The following SLC2A14 variants were observed in gnomAD, a reference collection of about 807,000 sequenced individuals.
The protein encoded by SLC2A14 is solute carrier family 2 member 14.
Under a neutral mutation model 43.0 loss-of-function variants are expected in SLC2A14, and 13 were observed. That is an observed-to-expected ratio of 0.30 (90% confidence interval 0.20 to 0.48). SLC2A14 has a LOEUF of 0.48. Ranked by LOEUF, SLC2A14 falls within the 20% of genes least tolerant of loss-of-function variation. The pLI is 0.99. For synonymous variants in SLC2A14, 190 were observed against 233.8 expected (o/e 0.81, Z 1.71); for missense variants, 428 against 620.4 (o/e 0.69, Z 3.29).
chr12:7,883,324 G>A (rs1426944779), intron 1 of SLC2A14, among the ~76,000 whole-genome samples: 3 of 146,276 alleles, frequency 2.1e-5, no homozygotes, highest in Non-Finnish European at 3.0e-5. Context: ...GTGGAGTGCA[G>A]GGGCGTGATC....
chr12:7,870,801 G>T, intron 1 of SLC2A14: 1 of 1,058,020 alleles, frequency 9.5e-7, no homozygotes, highest in Non-Finnish European at 1.2e-6. Context: ...AAGTAGTATG[G>T]TCAGCCCAGC....
chr12:7,868,552 T>G (rs1414259653), intron 2 of SLC2A14, among the ~76,000 whole-genome samples: 1 of 152,142 alleles, frequency 6.6e-6, no homozygotes, highest in African/African-American at 2.4e-5. Context: ...TCCTTCTCTA[T>G]CAGGGTAGTC....
At position 7,814,507 on chromosome 12, in the gene SLC2A14, T is replaced by G. The variant is rs748715847; in HGVS notation, c.1303A>C (p.Ile435Leu). The G allele has an allele frequency of 5.0e-6, 8 of 1,613,752 alleles. No homozygotes were observed. In the South Asian group the frequency reaches 8.8e-5, roughly 18 times the overall value. Residue 435 changes from isoleucine (I) to leucine (L), a missense_variant, in exon 11 of 11, where the codon ATC becomes CTC. This residue lies in a region of SLC2A14 where 119 missense variants were observed against 188.7 expected (regional missense o/e 0.63). Coordinates refer to ENST00000431042, the MANE Select transcript of SLC2A14 (RefSeq NM_001286234.2). Reference protein sequence around the residue: ...AYYLGAYVFIIFTGFLITFLA... With the variant: ...AYYLGAYVFILFTGFLITFLA... ...AAGGTAATGAGGAAGCCGGTGAAGA[T>G]AATAAAAACGTAGGCTCCTAAATAG...
At chr12:7,885,337 C>T (rs1218144870) in intron 1 of SLC2A14, among the ~76,000 whole-genome samples, 2 of 151,994 alleles carry the variant, frequency 1.3e-5, no homozygotes, top group East Asian at 1.9e-4. Context: ...TGGTGGCAGG[C>T]GCCAGTAGTC....
rs977925737 is a variant in SLC2A14, at chr12:7,864,586, C to A, written c.18+5277G>T. On this transcript the variant is annotated intron_variant, in intron 2 of 10. Transcript: ENST00000431042. The stretch of plus-strand genomic sequence containing the variant: ...ATCTCCGGACCTCATCATCCGCCGG[C>A]CTCGGCCTCCCAAAGTGTTGGGATT... Among the ~76,000 whole-genome samples, 3 of 152,172 alleles carry A rather than the reference C, an allele frequency of 2.0e-5. No homozygotes were observed. In the South Asian group the frequency reaches 6.2e-4, roughly 32 times the overall value.
At chr12:7,881,593 C>T (rs1465343220) in intron 1 of SLC2A14, among the ~76,000 whole-genome samples, 1 of 152,238 alleles carries the variant, frequency 6.6e-6, no homozygotes, top group East Asian at 1.9e-4. Context: ...CCTGAGCCTC[C>T]CCGACAAGCG....
intron 10 of SLC2A14, among the ~76,000 whole-genome samples, chr12:7,815,031 C>T (rs1349676818): frequency 1.3e-5 from 2 of 151,912 alleles, no homozygotes; most frequent in Non-Finnish European, 2.9e-5. Context: ...AACTCCTGAC[C>T]TTGTAATCTG....
intron 8 of SLC2A14, 82 bp downstream of exon 8, chr12:7,821,139 G>T: frequency 9.7e-7 from 1 of 1,030,932 alleles, no homozygotes; most frequent in South Asian, 1.4e-5. Context: ...ACTAAATAAC[G>T]GTGGAGCCAT....
At chr12:7,889,917 G>A (rs1945747685) in intron 1 of SLC2A14, among the ~76,000 whole-genome samples, 1 of 147,386 alleles carries the variant, frequency 6.8e-6, no homozygotes, top group African/African-American at 2.4e-5. Flanking sequence ...AGCATATAGG[G>A]TAACTTCCCC....
At chr12:7,827,395 C>T in intron 7 of SLC2A14, 100 bp downstream of exon 7, 1 of 1,474,036 alleles carries the variant, frequency 6.8e-7, no homozygotes, top group Non-Finnish European at 9.1e-7. Context: ...CCTGCCTCAG[C>T]CTCCTGAGTA....
Position 7,826,967 on chromosome 12 carries a change from C to CTCTCTTTCTCTCCTT in SLC2A14, c.864+527_864+528insAAGGAGAGAAAGAGA, listed in dbSNP as rs1555122033. On this transcript the variant is annotated intron_variant, in intron 7 of 10. Transcript: ENST00000431042. ...TTTCTTTCCTTTCTTCTCTCTCTTT[C>CTCTCTTTCTCTCCTT]TCTCTCTCTTTCTCTCCTTTCTCTC... is the stretch of plus-strand genomic sequence containing the variant. 3.7e-3 allele frequency among the ~76,000 whole-genome samples: 195 copies of CTCTCTTTCTCTCCTT among 52,938 alleles called. 15 individuals are homozygous for CTCTCTTTCTCTCCTT. The highest frequency in any genetic ancestry group is 0.013 in the African/African-American group (165 of 12,596). The allele number at this position is 52,938 out of a possible 152,430, so 34.7% of individuals were successfully genotyped here. A position where few individuals can be genotyped will look rare whatever the true frequency, so the allele number is the denominator to read the frequency against.
intron 1 of SLC2A14, among the ~76,000 whole-genome samples, chr12:7,887,802 C>T (rs1028795720): frequency 1.3e-5 from 2 of 152,130 alleles, no homozygotes; most frequent in African/African-American, 2.4e-5. Flanking sequence ...TGTTGGCACC[C>T]ATGCCTTCCT....
intron 7 of SLC2A14, among the ~76,000 whole-genome samples, chr12:7,826,236 T>TTC (rs1864349023): frequency 6.6e-6 from 1 of 151,620 alleles, no homozygotes; most frequent in Non-Finnish European, 1.5e-5. Context: ...TTTTTTTTTT[T>TTC]TTTAAGACAG....
In SLC2A14 at chr12:7,826,864, T is replaced by TCCTTCCTTCCTTCCTTCCTTC. The variant is rs71457018; in HGVS notation, c.864+630_864+631insGAAGGAAGGAAGGAAGGAAGG. ...TTCCTTCCTTCCTTCCTTTCTTTTTTCTTTCTTTCTTTCTTTCTTTCTTTC... is the reference window on the plus strand; with the variant it reads ...TTCCTTCCTTCCTTCCTTTCTTTTTTCCTTCCTTCCTTCCTTCCTTCCTTTCTTTCTTTCTTTCTTTCTTTC... On this transcript the variant is annotated intron_variant, in intron 7 of 10. Transcript: ENST00000431042. 7.1e-3 allele frequency among the ~76,000 whole-genome samples: 288 copies of TCCTTCCTTCCTTCCTTCCTTC among 40,502 alleles called. 42 individuals carry two copies. The highest frequency in any genetic ancestry group is 0.015 in the African/African-American group (162 of 10,486). The allele number at this position is 40,502 out of a possible 152,430, so 26.6% of individuals were successfully genotyped here. A position where few individuals can be genotyped will look rare whatever the true frequency, so the allele number is the denominator to read the frequency against.
rs372464881 is a variant in SLC2A14 at position 7,883,263 on chromosome 12, CTTTTTT to C, written c.132+7727_132+7732del. ...ACAAATGCTTTCTTTTTCTTTCTTT[CTTTTTT>C]TTTTTTTTTTTTTTTTGAGATGGAG... On this transcript the variant is annotated intron_variant, in intron 1 of 9. Transcript: ENST00000539924. Among the ~76,000 whole-genome samples the C allele has an allele frequency of 7.3e-3, 796 of 108,410 alleles. 7 individuals carry two copies. Among genetic ancestry groups the C allele is most frequent in the African/African-American group, 0.025 (715 of 28,524 alleles). 71.1% of individuals were successfully genotyped at this position (108,410 alleles called of 152,430 possible).
intron 2 of SLC2A14, among the ~76,000 whole-genome samples, chr12:7,834,208 C>G (rs1213075515): frequency 6.6e-6 from 1 of 151,074 alleles, no homozygotes; most frequent in African/African-American, 2.4e-5. Flanking sequence ...TCATTAGTCT[C>G]ATAACTTTCC....
intron 2 of SLC2A14, among the ~76,000 whole-genome samples, chr12:7,854,019 T>C (rs907252418): frequency 5.3e-5 from 8 of 152,134 alleles, no homozygotes; most frequent in African/African-American, 1.7e-4. Flanking sequence ...CGTAAGTTAG[T>C]TAAGTTTTTC....
chr12:7,846,489 G>A (rs901724728), intron 2 of SLC2A14, among the ~76,000 whole-genome samples: 7 of 151,028 alleles, frequency 4.6e-5, no homozygotes, highest in African/African-American at 1.5e-4. Context: ...ATTTCATGTT[G>A]GTTTTTTTCT....
At chr12:7,814,569 A>G (rs779636649) in intron 10 of SLC2A14, 35 bp from the exon 11 acceptor site, 1 of 1,591,940 alleles carries the variant, frequency 6.3e-7, no homozygotes, top group South Asian at 1.1e-5. Flanking sequence ...AGGTTGATAT[A>G]AAAATCTGGT....
Sources: gnomAD v4.1 joint callset for allele counts (sites outside exome capture counted in the v4.1 genomes callset) on GRCh38, gnomAD v4.1.1 for gene constraint, gnomAD v4.1.1 regional missense constraint, MANE v1.5 for transcripts, NCBI Gene and HGNC (gene_info 2026-07-23, HGNC 2026-07-21) for gene names.